The following SLCO1A2 variants were observed in gnomAD, a reference collection of about 807,000 sequenced individuals.
SLCO1A2 encodes solute carrier organic anion transporter family member 1A2, also known as OATP-1.
SLCO1A2 carries 67 observed loss-of-function variants against 69.0 expected under a neutral mutation model. That is an observed-to-expected ratio of 0.97 (90% CI 0.80 to 1.19). The LOEUF (loss-of-function observed/expected upper bound fraction) is 1.19. Ranked by LOEUF, SLCO1A2 falls within the 50% of genes most tolerant of loss-of-function variation. The probability of loss-of-function intolerance (pLI) is 0.00; values close to 1 mark genes in which losing one functional copy is unlikely to be tolerated. For synonymous variants in SLCO1A2, 260 were observed against 265.9 expected (o/e 0.98, Z 0.22); for missense variants, 787 against 793.7 (o/e 0.99, Z 0.10).
chr12:21,300,625 T>G, intron 7 of SLCO1A2, 56 bp from the exon 8 acceptor site: 1 of 1,284,254 alleles, frequency 7.8e-7, no homozygotes, highest in South Asian at 1.7e-5. Flanking sequence ...CTGTATGAAC[T>G]ATAGAAAATT....
At chr12:21,320,223 C>G (rs1204168349) in intron 2 of SLCO1A2, among the ~76,000 whole-genome samples, 1 of 152,164 alleles carries the variant, frequency 6.6e-6, no homozygotes, top group African/African-American at 2.4e-5. Context: ...CTCACATATT[C>G]CTTTCAAGTT....
At chr12:21,392,838 T>C (rs763201812) in intron 1 of SLCO1A2, among the ~76,000 whole-genome samples, 1 of 152,220 alleles carries the variant, frequency 6.6e-6, no homozygotes, top group Non-Finnish European at 1.5e-5. Context: ...TTTCAATTCT[T>C]CATTTTCCAT....
chr12:21,366,496 T>C (rs1939397556), intron 2 of SLCO1A2, among the ~76,000 whole-genome samples: 1 of 152,130 alleles, frequency 6.6e-6, no homozygotes, highest in African/African-American at 2.4e-5. Context: ...TATTCCTATG[T>C]AACAAACCTG....
chr12:21,395,317 G>C (rs1941393664), exon 1 of SLCO1A2: 1 of 153,042 alleles, frequency 6.5e-6, no homozygotes, highest in Non-Finnish European at 1.5e-5. Context: ...CTTCCAACAG[G>C]CTTAAAAAAC....
chr12:21,373,369 G>C (rs1168014772), intron 2 of SLCO1A2: 1 of 1,613,080 alleles, frequency 6.2e-7, no homozygotes, highest in Admixed American at 1.7e-5. Context: ...TCCTGAAGCT[G>C]CAAGTATTTC....
chr12:21,341,997 C>G (rs77642214), intron 2 of SLCO1A2, among the ~76,000 whole-genome samples: 22,657 of 151,902 alleles, frequency 0.15, 2,101 homozygotes, highest in African/African-American at 0.26. Context: ...CCTATCCTTC[C>G]CTTTGCCACT....
intron 12 of SLCO1A2, among the ~76,000 whole-genome samples, chr12:21,282,896 CT>C (rs2136194890): frequency 6.6e-6 from 1 of 152,144 alleles, no homozygotes; most frequent in Non-Finnish European, 1.5e-5. Flanking sequence ...ACAATAAAAA[CT>C]GTAAAACATT....
chr12:21,293,846 G>C, intron 11 of SLCO1A2, 99 bp downstream of exon 11: 1 of 952,428 alleles, frequency 1.0e-6, no homozygotes, highest in Non-Finnish European at 1.5e-6. Flanking sequence ...ATATGGTTTT[G>C]AGGAAACACT....
upstream of SLCO1A2, among the ~76,000 whole-genome samples, chr12:21,396,531 G>C (rs1224691441): frequency 8.6e-5 from 13 of 150,454 alleles, no homozygotes; most frequent in East Asian, 2.5e-3. Flanking sequence ...ACGCCACAAA[G>C]ATACTCCTCG....
upstream of SLCO1A2, among the ~76,000 whole-genome samples, chr12:21,395,799 T>A (rs1446736811): frequency 6.6e-6 from 1 of 152,100 alleles, no homozygotes; most frequent in Non-Finnish European, 1.5e-5. Context: ...CCAACAGACC[T>A]GCAGCTGAGG....
chr12:21,396,058 G>C (rs1481982920), upstream of SLCO1A2, among the ~76,000 whole-genome samples: 5 of 151,750 alleles, frequency 3.3e-5, no homozygotes, highest in Non-Finnish European at 2.9e-5. Context: ...GAAGGCTTCA[G>C]ACGATCAAAT....
intron 12 of SLCO1A2, among the ~76,000 whole-genome samples, chr12:21,283,181 A>G (rs761094788): frequency 2.6e-5 from 4 of 152,176 alleles, no homozygotes; most frequent in Admixed American, 1.3e-4. Context: ...TCACAGACCT[A>G]TAGTAACCAA....
chr12:21,397,618 G>T (rs973808857), upstream of SLCO1A2, among the ~76,000 whole-genome samples: 191 of 151,826 alleles, frequency 1.3e-3, no homozygotes, highest in South Asian at 2.3e-3. Flanking sequence ...ACCACATACT[G>T]GGAAGTAAAG....
chr12:21,376,109 C>A (rs1940175385), intron 1 of SLCO1A2, among the ~76,000 whole-genome samples: 1 of 152,032 alleles, frequency 6.6e-6, no homozygotes, highest in Non-Finnish European at 1.5e-5. Context: ...AATGATGGCC[C>A]ATCTAGCTAA....
intron 2 of SLCO1A2, among the ~76,000 whole-genome samples, chr12:21,340,756 G>T (rs981178336): frequency 1.3e-5 from 2 of 151,698 alleles, no homozygotes; most frequent in Admixed American, 6.6e-5. Context: ...GTCTGTCTCG[G>T]GTTTAAAATG....
chr12:21,406,851 T>C (rs1941830639), intron 1 of SLCO1A2, among the ~76,000 whole-genome samples: 1 of 152,228 alleles, frequency 6.6e-6, no homozygotes. Flanking sequence ...TCTTTCTCTT[T>C]CTTTTGTTGA....
At position 21,413,237 on chromosome 12, in the gene SLCO1A2, C is replaced by CTTTTTTTTT. The variant is rs3983534; in HGVS notation, c.-312+4636_-312+4644dup. Among the ~76,000 whole-genome samples, 225 of 99,450 alleles carry CTTTTTTTTT rather than the reference C, an allele frequency of 2.3e-3. 12 individuals carry two copies. Among genetic ancestry groups the CTTTTTTTTT allele is most frequent in the African/African-American group, 5.6e-3 (140 of 25,072 alleles). The allele number at this position is 99,450 out of a possible 152,430, so 65.2% of individuals were successfully genotyped here. A position where few individuals can be genotyped will look rare whatever the true frequency, so the allele number is the denominator to read the frequency against. On this transcript the variant is annotated intron_variant, in intron 1 of 4. Transcript: ENST00000413682. ...ACTTTCTTCTTTTCTTTTTCTTTTT[C>CTTTTTTTTT]TTTTTTTTTTTTTTTTTTTGAGAAG...
At chr12:21,313,994 AC>A (rs1250464802) in intron 4 of SLCO1A2, among the ~76,000 whole-genome samples, 68 of 149,950 alleles carry the variant, frequency 4.5e-4, no homozygotes, top group African/African-American at 1.6e-3. Context: ...AAAAAAAAAA[AC>A]AGAAAAAAAA....
intron 2 of SLCO1A2, among the ~76,000 whole-genome samples, chr12:21,345,301 AG>A (rs1041252360): frequency 2.0e-5 from 3 of 152,066 alleles, no homozygotes; most frequent in Non-Finnish European, 4.4e-5. Flanking sequence ...TCCTTGCAGT[AG>A]AAACAGTAAA....
Sources: allele counts gnomAD v4.1 joint callset (sites outside exome capture counted in the v4.1 genomes callset), GRCh38; gene constraint gnomAD v4.1.1; transcripts MANE v1.5; gene names NCBI Gene and HGNC (gene_info 2026-07-23, HGNC 2026-07-21).